The following MACROD2 variants were observed in gnomAD, a reference collection of about 807,000 sequenced individuals.
The protein encoded by MACROD2 is ADP-ribose glycohydrolase MACROD2.
In MACROD2, 36 loss-of-function variants were observed where a neutral mutation model predicts 70.4. The ratio of observed to expected loss-of-function variants is 0.51; its 90% CI spans 0.39 to 0.68. The LOEUF is 0.68. Among genes scored for constraint, MACROD2 ranks in the 30% least tolerant of loss-of-function variants. The pLI is 0.00. For missense variants in MACROD2, 496 were observed against 538.4 expected (o/e 0.92, Z 0.78); for synonymous variants, 172 against 178.8 (o/e 0.96, Z 0.30).
intron 8 of MACROD2, among the ~76,000 whole-genome samples, chr20:15,845,394 G>GT (rs2064219644): frequency 1.3e-5 from 2 of 152,116 alleles, no homozygotes; most frequent in Admixed American, 6.6e-5. Flanking sequence ...CACACTAGAA[G>GT]TTTTTTGCTC....
chr20:15,016,449 G>C (rs113472326), intron 5 of MACROD2, among the ~76,000 whole-genome samples: 4 of 151,960 alleles, frequency 2.6e-5, no homozygotes, highest in Non-Finnish European at 4.4e-5. Flanking sequence ...GAATGTGATC[G>C]CAATGTTAGA....
intron 8 of MACROD2, among the ~76,000 whole-genome samples, chr20:15,763,632 G>A (rs957954983): frequency 1.4e-4 from 21 of 152,138 alleles, no homozygotes; most frequent in Non-Finnish European, 2.8e-4. Context: ...AGAAGAAGTG[G>A]AGAACTGGCC....
intron 5 of MACROD2, among the ~76,000 whole-genome samples, chr20:15,126,454 T>A (rs757376193): frequency 6.6e-6 from 1 of 151,980 alleles, no homozygotes; most frequent in South Asian, 2.1e-4. Flanking sequence ...AAATCATAAA[T>A]TTAAAATTAT....
chr20:14,283,774 A>G (rs1433208487), intron 3 of MACROD2, among the ~76,000 whole-genome samples: 2 of 152,154 alleles, frequency 1.3e-5, no homozygotes, highest in Non-Finnish European at 2.9e-5. Context: ...TGCTGGGATT[A>G]CAGGAATGAG....
At chr20:14,367,051 T>G (rs2083279479) in intron 3 of MACROD2, among the ~76,000 whole-genome samples, 1 of 152,194 alleles carries the variant, frequency 6.6e-6, no homozygotes, top group African/African-American at 2.4e-5. Context: ...CCATTTTCTT[T>G]TGTGTATATT....
intron 5 of MACROD2, among the ~76,000 whole-genome samples, chr20:14,951,153 T>TGTA (rs2074472557): frequency 6.6e-6 from 1 of 152,032 alleles, no homozygotes; most frequent in South Asian, 2.1e-4. Flanking sequence ...TGCAGTGGTG[T>TGTA]GTAGTGTTCA....
rs11481332 is a variant in MACROD2 at position 16,038,532 on chromosome 20, G to GTTT, written c.1154-2660_1154-2658dup. Among the ~76,000 whole-genome samples the GTTT allele has an allele frequency of 6.3e-5, 9 of 143,990 alleles. No homozygotes were observed. The East Asian group carries it at 1.4e-3, about 22-fold the overall frequency. 94.5% of individuals were successfully genotyped at this position (143,990 alleles called of 152,430 possible). On this transcript the variant is annotated intron_variant, in intron 15 of 17. Coordinates refer to ENST00000684519, the MANE Select transcript of MACROD2 (RefSeq NM_001351661.2). Reference sequence around the variant, plus strand: ...TTAATTCTTAACTTGTTTTTGTGGGGTTTTTTTTTTTCGGTTCTAGAATTT... The same window carrying GTTT: ...TTAATTCTTAACTTGTTTTTGTGGGGTTTTTTTTTTTTTTCGGTTCTAGAATTT...
At chr20:14,618,653 A>G (rs1486545353) in intron 4 of MACROD2, among the ~76,000 whole-genome samples, 3 of 152,170 alleles carry the variant, frequency 2.0e-5, no homozygotes, top group African/African-American at 7.2e-5. Context: ...ATGGGGTTTC[A>G]GCGTGGGGTG....
At chr20:15,872,031 G>T (rs960910848) in intron 9 of MACROD2, among the ~76,000 whole-genome samples, 3 of 152,076 alleles carry the variant, frequency 2.0e-5, no homozygotes, top group Admixed American at 6.6e-5. Context: ...CACATAGTTG[G>T]GTATGTCTGA....
At chr20:14,278,565 T>C (rs532534659) in intron 3 of MACROD2, among the ~76,000 whole-genome samples, 2 of 152,222 alleles carry the variant, frequency 1.3e-5, no homozygotes, top group Admixed American at 6.5e-5. Flanking sequence ...TTAAACTAAT[T>C]GGTTGTGCGA....
At chr20:15,290,513 G>C (rs1792525052) in intron 6 of MACROD2, among the ~76,000 whole-genome samples, 1 of 152,142 alleles carries the variant, frequency 6.6e-6, no homozygotes, top group African/African-American at 2.4e-5. Context: ...TACAATAACT[G>C]TTTAGTGAGG....
chr20:15,080,025 G>A (rs560326271), intron 5 of MACROD2, among the ~76,000 whole-genome samples: 143 of 151,574 alleles, frequency 9.4e-4, no homozygotes, highest in Admixed American at 3.8e-3. Context: ...TGGATCCCTG[G>A]CCCTCACTCA....
intron 4 of MACROD2, among the ~76,000 whole-genome samples, chr20:14,570,754 C>T (rs891386962): frequency 1.3e-5 from 2 of 151,950 alleles, no homozygotes; most frequent in Non-Finnish European, 2.9e-5. Flanking sequence ...ACTCCCTGGT[C>T]CTTCTGTGGG....
At position 15,011,751 on chromosome 20, in the gene MACROD2, T is replaced by C. The variant is rs79391211; in HGVS notation, c.419-218189T>C. On this transcript the variant is annotated intron_variant, in intron 5 of 17. Coordinates refer to ENST00000684519, the MANE Select transcript of MACROD2 (RefSeq NM_001351661.2). Reference sequence around the variant, plus strand: ...CTGCAGGATGAGGCCCTAATGTGTTTAAGCTAATCACTATTTCCTATCCCT... The same window carrying C: ...CTGCAGGATGAGGCCCTAATGTGTTCAAGCTAATCACTATTTCCTATCCCT... 5.7e-3 allele frequency among the ~76,000 whole-genome samples: 862 copies of C among 152,332 alleles called. 5 individuals carry two copies. Among genetic ancestry groups the C allele is most frequent in the Middle Eastern group, 0.037 (11 of 294 alleles).
At chr20:14,685,478 C>T (rs1411020506) in intron 5 of MACROD2, among the ~76,000 whole-genome samples, 1 of 152,170 alleles carries the variant, frequency 6.6e-6, no homozygotes, top group Non-Finnish European at 1.5e-5. Context: ...ATCTGGTTGT[C>T]AGTGTGAGAA....
At chr20:14,485,662 CT>C (rs1207911975) in intron 3 of MACROD2, among the ~76,000 whole-genome samples, 56 of 82,978 alleles carry the variant, frequency 6.7e-4, no homozygotes, top group South Asian at 2.6e-3. Context: ...GATCGTGCCA[CT>C]TGCACTCCAG....
At chr20:14,266,594 C>T (rs2082146302) in intron 3 of MACROD2, among the ~76,000 whole-genome samples, 2 of 151,806 alleles carry the variant, frequency 1.3e-5, no homozygotes, top group Admixed American at 1.3e-4. Flanking sequence ...AGCATATGTC[C>T]CTCTCTTCAA....
chr20:15,675,051 T>C (rs773504520), intron 8 of MACROD2, among the ~76,000 whole-genome samples: 1 of 152,196 alleles, frequency 6.6e-6, no homozygotes, highest in African/African-American at 2.4e-5. Context: ...GCTCTAGATA[T>C]AAAACATGCA....
At chr20:14,612,825 G>A (rs1983251769) in intron 4 of MACROD2, among the ~76,000 whole-genome samples, 1 of 152,008 alleles carries the variant, frequency 6.6e-6, no homozygotes, top group African/African-American at 2.4e-5. Flanking sequence ...GAAGGTTTGG[G>A]TTTGGGAAAC....
Sources: gnomAD v4.1 joint callset for allele counts (sites outside exome capture counted in the v4.1 genomes callset) on GRCh38, gnomAD v4.1.1 for gene constraint, MANE v1.5 for transcripts, NCBI Gene and HGNC (gene_info 2026-07-23, HGNC 2026-07-21) for gene names.